Variants in ATP8A2 observed in about 807,000 individuals in gnomAD.
ATP8A2 encodes the protein ATPase phospholipid transporting 8A2.
Under a neutral mutation model 165.6 loss-of-function variants are expected in ATP8A2, and 100 were observed. The observed-to-expected ratio is 0.60, with a 90% confidence interval of 0.51 to 0.71. The LOEUF (loss-of-function observed/expected upper bound fraction) is 0.71. Ranked by LOEUF, ATP8A2 falls within the 30% of genes least tolerant of loss-of-function variation. ATP8A2 has a pLI of 0.00. For synonymous variants in ATP8A2, 543 were observed against 548.8 expected, an observed-to-expected ratio of 0.99 and a Z score of 0.15; for missense variants, 1,227 against 1,479.5, an observed-to-expected ratio of 0.83 and a Z score of 2.80.
intron 25 of ATP8A2, among the ~76,000 whole-genome samples, chr13:25,701,799 A>G (rs536741287): frequency 3.4e-4 from 51 of 151,710 alleles, no homozygotes; most frequent in African/African-American, 1.2e-3. Context: ...ACTGCTTCAC[A>G]GTGCTTTGTG....
At chr13:25,894,450 G>C (rs1426069092) in intron 33 of ATP8A2, among the ~76,000 whole-genome samples, 1 of 151,306 alleles carries the variant, frequency 6.6e-6, no homozygotes. Context: ...TTGTAGTATA[G>C]TTTGAAGTCA....
chr13:25,559,913 G>A (rs923321981), intron 15 of ATP8A2, 148 bp downstream of exon 15: 4 of 601,580 alleles, frequency 6.6e-6, no homozygotes, highest in Non-Finnish European at 8.6e-6. Context: ...CTGTAGTCAC[G>A]AACTCCTGGA....
Position 25,578,708 on chromosome 13 carries a change from G to A in ATP8A2, c.1783-107G>A, listed in dbSNP as rs143398238. The A allele has an allele frequency of 1.8e-4, 133 of 738,248 alleles. No individual in the cohort carries two copies. In the East Asian group the frequency reaches 3.3e-3, roughly 18 times the overall value. The allele number at this position is 738,248 out of a possible 1,614,324, so 45.7% of individuals were successfully genotyped here. ...ATGCTAAATTCCTACTTACCCACTC[G>A]GGTATTCTCATGCATGTTAGATAAA... On this transcript the variant is annotated intron_variant, in intron 20 of 36. Transcript: ENST00000381655.
At chr13:25,842,097 A>G (rs186530338) in intron 30 of ATP8A2, among the ~76,000 whole-genome samples, 46 of 152,360 alleles carry the variant, frequency 3.0e-4, no homozygotes, top group Admixed American at 2.4e-3. Context: ...TTGCAAATGA[A>G]TAACTCCAGT....
chr13:25,997,520 C>A (rs1158375584), intron 35 of ATP8A2, among the ~76,000 whole-genome samples: 1 of 152,032 alleles, frequency 6.6e-6, no homozygotes, highest in Non-Finnish European at 1.5e-5. Flanking sequence ...CTCTTTTAGC[C>A]CTGCCGTATT....
At chr13:25,591,583 CTTTTT>C (rs749798935) in intron 24 of ATP8A2, among the ~76,000 whole-genome samples, 3 of 131,840 alleles carry the variant, frequency 2.3e-5, no homozygotes, top group Admixed American at 7.8e-5. Context: ...TAGCTTATAA[CTTTTT>C]TTTTTTTTTT....
chr13:25,587,178 A>G (rs1385922442), intron 23 of ATP8A2, among the ~76,000 whole-genome samples: 1 of 152,216 alleles, frequency 6.6e-6, no homozygotes, highest in East Asian at 1.9e-4. Context: ...TTAGAAATCA[A>G]GCACACCAAA....
At chr13:26,010,879 A>C (rs1956830308) in intron 35 of ATP8A2, among the ~76,000 whole-genome samples, 1 of 152,176 alleles carries the variant, frequency 6.6e-6, no homozygotes, top group South Asian at 2.1e-4. Flanking sequence ...TGAATTAAAC[A>C]TTGTTATTTC....
chr13:25,638,623 A>G (rs936274967), intron 24 of ATP8A2, among the ~76,000 whole-genome samples: 2 of 152,198 alleles, frequency 1.3e-5, no homozygotes, highest in South Asian at 2.1e-4. Context: ...GACCAAATCT[A>G]CATTGATTGG....
intron 25 of ATP8A2, among the ~76,000 whole-genome samples, chr13:25,768,076 T>TGGGGGGG (rs397942177): frequency 6.1e-5 from 3 of 49,310 alleles, no homozygotes; most frequent in Admixed American, 2.2e-4. Flanking sequence ...TGTGGTGGCG[T>TGGGGGGG]GGGGGGGGGG....
At chr13:25,994,229 T>A (rs1956448581) in intron 35 of ATP8A2, among the ~76,000 whole-genome samples, 1 of 152,070 alleles carries the variant, frequency 6.6e-6, no homozygotes, top group African/African-American at 2.4e-5. Flanking sequence ...CTAGGAGTTT[T>A]ATATCTATAC....
chr13:25,613,480 A>T (rs2040742633), intron 24 of ATP8A2, among the ~76,000 whole-genome samples: 1 of 152,160 alleles, frequency 6.6e-6, no homozygotes, highest in Non-Finnish European at 1.5e-5. Context: ...AGGCTGAGGC[A>T]GGAGAATTGC....
At chr13:25,956,215 A>G (rs983151348) in intron 33 of ATP8A2, among the ~76,000 whole-genome samples, 3 of 152,230 alleles carry the variant, frequency 2.0e-5, no homozygotes, top group African/African-American at 7.2e-5. Context: ...GGCACAAGAC[A>G]AGGATGCCCT....
At chr13:25,819,627 C>T (rs1487641190) in intron 27 of ATP8A2, among the ~76,000 whole-genome samples, 1 of 151,454 alleles carries the variant, frequency 6.6e-6, no homozygotes, top group Non-Finnish European at 1.5e-5. Context: ...GCTGCAATCA[C>T]CCCCTACTAA....
chr13:25,928,578 A>G (rs916534890), intron 33 of ATP8A2, among the ~76,000 whole-genome samples: 3 of 152,244 alleles, frequency 2.0e-5, no homozygotes, highest in Non-Finnish European at 4.4e-5. Flanking sequence ...AATAATTAAA[A>G]GAAAACTGAT....
intron 24 of ATP8A2, among the ~76,000 whole-genome samples, chr13:25,652,646 CT>C (rs1476550497): frequency 2.6e-5 from 4 of 152,118 alleles, no homozygotes; most frequent in Non-Finnish European, 5.9e-5. Flanking sequence ...TGTGTGTAAA[CT>C]TGTGTTGTTA....
At chr13:25,896,360 T>C (rs1163413568) in intron 33 of ATP8A2, among the ~76,000 whole-genome samples, 1 of 152,254 alleles carries the variant, frequency 6.6e-6, no homozygotes, top group African/African-American at 2.4e-5. Flanking sequence ...AGTTTCTTAA[T>C]CCTGAGTTCC....
At chr13:25,892,222 C>A (rs1488678987) in intron 33 of ATP8A2, among the ~76,000 whole-genome samples, 1 of 152,008 alleles carries the variant, frequency 6.6e-6, no homozygotes, top group African/African-American at 2.4e-5. Flanking sequence ...CATGATCCAC[C>A]CGCCTCAGCC....
At chr13:25,812,023 C>A (rs1950886112) in intron 27 of ATP8A2, among the ~76,000 whole-genome samples, 1 of 152,150 alleles carries the variant, frequency 6.6e-6, no homozygotes, top group Non-Finnish European at 1.5e-5. Context: ...TGCCTCCTCT[C>A]CTTCTCCCTT....
Sources: gnomAD v4.1 joint callset for allele counts (sites outside exome capture counted in the v4.1 genomes callset) on GRCh38, gnomAD v4.1.1 for gene constraint, MANE v1.5 for transcripts, NCBI Gene and HGNC (gene_info 2026-07-23, HGNC 2026-07-21) for gene names.